The following SOCS6 variants were observed in gnomAD, a reference collection of about 807,000 sequenced individuals.
SOCS6 encodes suppressor of cytokine signaling 6, also known as STAT induced STAT inhibitor-4.
A neutral mutation model predicts 27.7 loss-of-function variants in SOCS6; 5 were observed. That is an observed-to-expected ratio of 0.18 (90% CI 0.09 to 0.38). SOCS6 has a LOEUF of 0.38. Ranked by LOEUF, SOCS6 falls within the 10% of genes least tolerant of loss-of-function variation. SOCS6 has a pLI of 1.00. For synonymous variants in SOCS6, 271 were observed against 260.0 expected, an observed-to-expected ratio of 1.04 and a Z score of -0.41; for missense variants, 595 against 688.1, an observed-to-expected ratio of 0.86 and a Z score of 1.51.
At chr18:70,323,891 G>A (rs924189197) in intron 1 of SOCS6, among the ~76,000 whole-genome samples, 1 of 152,182 alleles carries the variant, frequency 6.6e-6, no homozygotes, top group African/African-American at 2.4e-5. Flanking sequence ...TGCTGAAGGA[G>A]TGCACAGGTC....
chr18:70,321,401 A>G (rs1910986503), intron 1 of SOCS6, among the ~76,000 whole-genome samples: 1 of 132,488 alleles, frequency 7.5e-6, no homozygotes, highest in African/African-American at 2.8e-5. Flanking sequence ...GCTCACTGCA[A>G]CCTCTGCCTC....
chr18:70,320,841 T>C (rs1013948424), intron 1 of SOCS6, among the ~76,000 whole-genome samples: 1 of 152,208 alleles, frequency 6.6e-6, no homozygotes, highest in Admixed American at 6.5e-5. Flanking sequence ...GAAGTAGATA[T>C]GAGAGTCTAG....
At chr18:70,289,983 G>A (rs1227573607) in intron 1 of SOCS6, among the ~76,000 whole-genome samples, 1 of 152,238 alleles carries the variant, frequency 6.6e-6, no homozygotes, top group Admixed American at 6.5e-5. Flanking sequence ...CAGTTGGAAT[G>A]TGAAATTGGG....
chr18:70,297,539 C>A (rs2062329739), intron 1 of SOCS6, among the ~76,000 whole-genome samples: 1 of 152,290 alleles, frequency 6.6e-6, no homozygotes, highest in South Asian at 2.1e-4. Flanking sequence ...GCCTGCTGAT[C>A]TGTAGTGGGT....
At chr18:70,297,161 G>A (rs541562904) in intron 1 of SOCS6, among the ~76,000 whole-genome samples, 2 of 152,058 alleles carry the variant, frequency 1.3e-5, no homozygotes, top group South Asian at 4.2e-4. Context: ...GTTCAGATTT[G>A]TGAAACCTTT....
chr18:70,324,617 G>A lies in SOCS6; in HGVS notation c.-52G>A. ...CTTGCAGCCTCTCCAGATGTTTGGGGATAATATTCCAGATAGAAATATTGA... is the reference window on the plus strand; with the variant it reads ...CTTGCAGCCTCTCCAGATGTTTGGGAATAATATTCCAGATAGAAATATTGA... On this transcript the variant is annotated 5_prime_UTR_variant, in exon 2 of 2. Transcript: ENST00000397942. 1 of 1,256,874 alleles carries A rather than the reference G, an allele frequency of 8.0e-7. No individual in the cohort carries two copies. The highest frequency in any genetic ancestry group is 1.1e-6 in the Non-Finnish European group (1 of 896,168). The allele number at this position is 1,256,874 out of a possible 1,614,324, so 77.9% of individuals were successfully genotyped here.
chr18:70,294,345 G>T (rs9957728), intron 1 of SOCS6, among the ~76,000 whole-genome samples: 2,793 of 151,626 alleles, frequency 0.018, 75 homozygotes, highest in African/African-American at 0.064. Flanking sequence ...TTTCTTGTCA[G>T]TTTTTTTTGT....
intron 1 of SOCS6, among the ~76,000 whole-genome samples, chr18:70,299,668 A>G (rs968925484): frequency 2.0e-5 from 3 of 152,204 alleles, no homozygotes; most frequent in Non-Finnish European, 2.9e-5. Flanking sequence ...CGTTAGCATT[A>G]ACAGTTGTGA....
rs1348265646 is a variant in SOCS6 at position 70,307,428 on chromosome 18, T to TA, written c.-126-17113dup. On this transcript the variant is annotated intron_variant, in intron 1 of 1. Coordinates refer to ENST00000397942, the MANE Select transcript of SOCS6 (RefSeq NM_004232.4). ...TGAAAGAGTTTGTGAAGATTTGTAT[T>TA]AATTGTTTAAATCTTTAGTGGAATT... 7.2e-5 allele frequency among the ~76,000 whole-genome samples: 11 copies of TA among 152,352 alleles called. No homozygotes were observed. In the South Asian group the frequency reaches 2.1e-3, roughly 29 times the overall value.
At chr18:70,313,046 C>T (rs1336418017) in intron 1 of SOCS6, among the ~76,000 whole-genome samples, 2 of 152,128 alleles carry the variant, frequency 1.3e-5, no homozygotes, top group Admixed American at 6.5e-5. Flanking sequence ...TCCCAAAGTG[C>T]TGGGATTACA....
At chr18:70,313,339 CTA>C (rs1024942146) in intron 1 of SOCS6, among the ~76,000 whole-genome samples, 5 of 151,958 alleles carry the variant, frequency 3.3e-5, no homozygotes, top group Non-Finnish European at 7.4e-5. Flanking sequence ...CAGTTTTTCT[CTA>C]TTTTTTGCTT....
At position 70,329,703 on chromosome 18, in the gene SOCS6, A is replaced by G. The variant is rs1911345461; in HGVS notation, c.*3427A>G. 1 of 167,116 alleles carries G rather than the reference A, an allele frequency of 6.0e-6. No homozygotes were observed. Among genetic ancestry groups the G allele is most frequent in the African/African-American group, 2.4e-5 (1 of 41,478 alleles). 10.4% of individuals were successfully genotyped at this position (167,116 alleles called of 1,614,324 possible). ...AATAGCCAGTTCCGTAAATAACTTTAAAATTCTAAAAGTGTTGGTACACTA... is the reference window on the plus strand; with the variant it reads ...AATAGCCAGTTCCGTAAATAACTTTGAAATTCTAAAAGTGTTGGTACACTA... On this transcript the variant is annotated 3_prime_UTR_variant, in exon 2 of 2. Coordinates refer to ENST00000397942, the MANE Select transcript of SOCS6 (RefSeq NM_004232.4).
intron 1 of SOCS6, among the ~76,000 whole-genome samples, chr18:70,321,312 G>GTTTTTTT (rs763120236): frequency 1.5e-4 from 10 of 68,694 alleles, no homozygotes; most frequent in Non-Finnish European, 2.1e-4. Flanking sequence ...AATTTTCTCA[G>GTTTTTTT]TTTTTTTTTT....
At chr18:70,319,880 G>C (rs1460462814) in intron 1 of SOCS6, among the ~76,000 whole-genome samples, 3 of 152,200 alleles carry the variant, frequency 2.0e-5, no homozygotes, top group South Asian at 4.2e-4. Context: ...ACGATCGACA[G>C]ACACACATGA....
chr18:70,321,222 C>T (rs532872617), intron 1 of SOCS6, among the ~76,000 whole-genome samples: 40 of 150,776 alleles, frequency 2.7e-4, no homozygotes, highest in Admixed American at 1.5e-3. Flanking sequence ...TGCAGTGAGC[C>T]GAGATCATAC....
intron 1 of SOCS6, among the ~76,000 whole-genome samples, chr18:70,289,638 G>C (rs1278147144): frequency 6.7e-6 from 1 of 148,892 alleles, no homozygotes; most frequent in Non-Finnish European, 1.5e-5. Context: ...CCGCAGGCGC[G>C]AGGGCGGGCC....
At chr18:70,289,619 G>A (rs1355283026) in intron 1 of SOCS6, among the ~76,000 whole-genome samples, 3 of 147,840 alleles carry the variant, frequency 2.0e-5, no homozygotes, top group Admixed American at 2.0e-4. Flanking sequence ...GGGTCGGGGC[G>A]CGGCGAGGCC....
At chr18:70,299,065 C>G (rs906989773) in intron 1 of SOCS6, among the ~76,000 whole-genome samples, 1 of 152,060 alleles carries the variant, frequency 6.6e-6, no homozygotes, top group Non-Finnish European at 1.5e-5. Context: ...GAGCTTACAG[C>G]GAGCCAAGAT....
chr18:70,318,336 A>G (rs1013919359), intron 1 of SOCS6, among the ~76,000 whole-genome samples: 1 of 152,196 alleles, frequency 6.6e-6, no homozygotes, highest in Non-Finnish European at 1.5e-5. Context: ...TTTAAATTGC[A>G]TAATGAATTT....
Sources: allele counts gnomAD v4.1 joint callset (sites outside exome capture counted in the v4.1 genomes callset), GRCh38; gene constraint gnomAD v4.1.1; transcripts MANE v1.5; gene names NCBI Gene and HGNC (gene_info 2026-07-23, HGNC 2026-07-21).